The following VRK3 variants were observed in gnomAD, a reference collection of about 807,000 sequenced individuals.
VRK3 encodes the protein VRK serine/threonine kinase 3.
Under a neutral mutation model 60.4 loss-of-function variants are expected in VRK3, and 50 were observed. The observed-to-expected ratio is 0.83, with a 90% CI of 0.66 to 1.05. The LOEUF is 1.05. Ranked by LOEUF, VRK3 falls within the 50% of genes least tolerant of loss-of-function variation. VRK3 has a pLI of 0.00. For synonymous variants in VRK3, 246 were observed against 227.8 expected (o/e 1.08, Z -0.72); for missense variants, 549 against 585.3 (o/e 0.94, Z 0.64).
rs187449069 is a variant in VRK3, at chr19:50,013,956, G to C, written c.139+2068C>G. ...TGGTAGGGAAAGTGTCTCTGAGAAA[G>C]TAACAATTGAATAAATATCTGAAGG... On this transcript the variant is annotated intron_variant, in intron 3 of 14. Coordinates refer to ENST00000316763, the MANE Select transcript of VRK3 (RefSeq NM_016440.4). Among the ~76,000 whole-genome samples, 9 of 152,272 alleles carry C rather than the reference G, an allele frequency of 5.9e-5. No homozygotes were observed. The East Asian group carries it at 1.7e-3, about 29-fold the overall frequency.
At chr19:50,003,121 C>T (rs941753095) in intron 5 of VRK3, among the ~76,000 whole-genome samples, 1 of 152,092 alleles carries the variant, frequency 6.6e-6, no homozygotes, top group Non-Finnish European at 1.5e-5. Context: ...AAAGGTCAAG[C>T]GACAAGCGGC....
intron 2 of VRK3, among the ~76,000 whole-genome samples, chr19:50,017,574 C>CAAAAAAAAAAAAAAAAAAAA: frequency 2.6e-5 from 1 of 39,160 alleles, no homozygotes; most frequent in Non-Finnish European, 5.8e-5. Flanking sequence ...AACTCTGCCT[C>CAAAAAAAAAAAAAAAAAAAA]AAAAAAAAAA....
chr19:50,022,603 T>C (rs1293763223), intron 1 of VRK3, among the ~76,000 whole-genome samples: 3 of 151,352 alleles, frequency 2.0e-5, no homozygotes, highest in Non-Finnish European at 4.4e-5. Context: ...CTGGACAACA[T>C]GGTGAAACCC....
chr19:50,013,938 G>A (rs933022567), intron 3 of VRK3, among the ~76,000 whole-genome samples: 2 of 152,176 alleles, frequency 1.3e-5, no homozygotes, highest in Non-Finnish European at 2.9e-5. Context: ...TAGTGGTAGG[G>A]AAAGTGTCTC....
chr19:50,013,376 A>G (rs753153132), intron 3 of VRK3, among the ~76,000 whole-genome samples: 1 of 152,228 alleles, frequency 6.6e-6, no homozygotes, highest in Non-Finnish European at 1.5e-5. Flanking sequence ...CACCATCCCA[A>G]TACGCACTGT....
chr19:49,989,489 C>CG, intron 11 of VRK3, 150 bp downstream of exon 11: 1 of 1,101,752 alleles, frequency 9.1e-7, no homozygotes, highest in African/African-American at 1.6e-5. Flanking sequence ...CCCTTGCGGT[C>CG]GGGACGCTGT....
At chr19:50,016,681 A>G (rs2077084061) in intron 2 of VRK3, among the ~76,000 whole-genome samples, 1 of 152,206 alleles carries the variant, frequency 6.6e-6, no homozygotes, top group South Asian at 2.1e-4. Flanking sequence ...TAGAATGATG[A>G]GTGTTCACTA....
Position 49,985,535 on chromosome 19 carries a change from C to T in VRK3, c.1217+2837G>A, listed in dbSNP as rs533980694. Among the ~76,000 whole-genome samples the T allele has an allele frequency of 5.3e-5, 8 of 152,234 alleles. No individual in the cohort carries two copies. The East Asian group carries it at 1.5e-3, about 29-fold the overall frequency. On this transcript the variant is annotated intron_variant, in intron 12 of 14. Coordinates refer to ENST00000316763, the MANE Select transcript of VRK3 (RefSeq NM_016440.4). Reference sequence around the variant, plus strand: ...CTGTTACCATCGCTGCGAGACCTGCCCCTGACATTAGACCTACAAGTGTGC... The same window carrying T: ...CTGTTACCATCGCTGCGAGACCTGCTCCTGACATTAGACCTACAAGTGTGC...
At chr19:49,988,137 C>CGTTA in intron 12 of VRK3, 1 of 433,658 alleles carries the variant, frequency 2.3e-6, no homozygotes, top group Non-Finnish European at 4.1e-6. Context: ...GGCTCGCAGA[C>CGTTA]GTTAACACCC....
chr19:49,990,446 G>T (rs555669888), intron 10 of VRK3, among the ~76,000 whole-genome samples: 52 of 152,202 alleles, frequency 3.4e-4, no homozygotes, highest in Non-Finnish European at 6.3e-4. Context: ...GAGTGCAGTG[G>T]CGCGATCACG....
chr19:49,981,531 A>T, intron 12 of VRK3: 1 of 293,624 alleles, frequency 3.4e-6, no homozygotes, highest in Non-Finnish European at 5.1e-6. Context: ...GGCGACAGAG[A>T]GAGACTCCGT....
chr19:50,010,899 TGA>T (rs1295165145), intron 3 of VRK3, among the ~76,000 whole-genome samples: 2 of 151,832 alleles, frequency 1.3e-5, no homozygotes, highest in Non-Finnish European at 2.9e-5. Flanking sequence ...GATGACAGAG[TGA>T]GACTGTGTCT....
Position 49,997,382 on chromosome 19 carries a change from G to A in VRK3, c.679+122C>T, listed in dbSNP as rs2076724100. On this transcript the variant is annotated intron_variant, in intron 7 of 14. Transcript: ENST00000316763. ...GGAGTCAGGTTATGGACACAGATGGGAGCAAACCTGGGCCTTTAATCTAAG... is the reference window on the plus strand; with the variant it reads ...GGAGTCAGGTTATGGACACAGATGGAAGCAAACCTGGGCCTTTAATCTAAG... The A allele has an allele frequency of 2.7e-6, 3 of 1,095,666 alleles. No individual in the cohort carries two copies. The East Asian group carries it at 7.9e-5, about 29-fold the overall frequency. 67.9% of individuals were successfully genotyped at this position (1,095,666 alleles called of 1,614,324 possible). A position where few individuals can be genotyped will look rare whatever the true frequency, so the allele number is the denominator to read the frequency against.
At position 50,014,530 on chromosome 19, in the gene VRK3, T is replaced by C. The variant is rs245113; in HGVS notation, c.139+1494A>G. On this transcript the variant is annotated intron_variant, in intron 3 of 14. Transcript: ENST00000316763. ...GCCGAGATGTTGCAGTGAGCCAAGA[T>C]TGCGCCACTGCACCCCAGCCTGGGC... Among the ~76,000 whole-genome samples, 57 of 152,218 alleles carry C rather than the reference T, an allele frequency of 3.7e-4. No homozygotes were observed. The East Asian group carries it at 8.7e-3, about 23-fold the overall frequency.
chr19:50,009,379 T>G lies in VRK3; in HGVS notation c.146A>C (p.Lys49Thr). The G allele has an allele frequency of 1.9e-6, 3 of 1,613,588 alleles. No homozygotes were observed. Among genetic ancestry groups the G allele is most frequent in the Non-Finnish European group, 2.5e-6 (3 of 1,179,798 alleles). Residue 49 changes from lysine to threonine, a missense_variant, in exon 4 of 15, where the codon AAG becomes ACG. Lys to Thr is a moderately conservative substitution (Grantham distance 78, BLOSUM62 -1). Transcript: ENST00000316763. ...NPHVSSFQGS[K>T]RGLNSSFETS... ...TTCAAAACTGGAGTTCAGCCCTCTC[T>G]TTGAGCCTAAAGAAAGGCAGACAAA...
intron 10 of VRK3, 138 bp downstream of exon 10, chr19:49,992,717 CTTATT>C: frequency 4.3e-6 from 3 of 692,738 alleles, no homozygotes; most frequent in South Asian, 2.4e-5. Flanking sequence ...AGTTGCTTAT[CTTATT>C]TATTTGAAGG....
intron 3 of VRK3, among the ~76,000 whole-genome samples, chr19:50,013,253 TGAA>T (rs1422412063): frequency 1.3e-5 from 2 of 152,294 alleles, no homozygotes; most frequent in East Asian, 1.9e-4. Flanking sequence ...ACTGTGGAGA[TGAA>T]GAAGTCAACT....
intron 3 of VRK3, among the ~76,000 whole-genome samples, chr19:50,015,039 G>A (rs576551812): frequency 6.6e-5 from 10 of 152,174 alleles, no homozygotes; most frequent in Admixed American, 2.0e-4. Flanking sequence ...CACGGGGTGC[G>A]AGACAAAGAG....
intron 10 of VRK3, among the ~76,000 whole-genome samples, chr19:49,990,009 G>A (rs947194603): frequency 2.0e-5 from 3 of 151,736 alleles, no homozygotes; most frequent in African/African-American, 4.9e-5. Flanking sequence ...TAACAGTTTC[G>A]TATGCATCAT....
Sources: gnomAD v4.1 joint callset for allele counts (sites outside exome capture counted in the v4.1 genomes callset) on GRCh38, gnomAD v4.1.1 for gene constraint, MANE v1.5 for transcripts, NCBI Gene and HGNC (gene_info 2026-07-23, HGNC 2026-07-21) for gene names.